Variants in CD163L1 observed in about 807,000 individuals in gnomAD.
CD163L1 encodes the protein CD163 molecule like 1.
Under a neutral mutation model 165.4 loss-of-function variants are expected in CD163L1, and 124 were observed. That is an observed-to-expected ratio of 0.75 (90% CI 0.65 to 0.87). CD163L1 has a LOEUF of 0.87. Ranked by LOEUF, CD163L1 falls within the 40% of genes least tolerant of loss-of-function variation. The probability of loss-of-function intolerance (pLI) is 0.00; values close to 1 mark genes in which losing one functional copy is unlikely to be tolerated. For synonymous variants in CD163L1, 585 were observed against 662.2 expected, an observed-to-expected ratio of 0.88 and a Z score of 1.79; for missense variants, 1,525 against 1,799.9, an observed-to-expected ratio of 0.85 and a Z score of 2.76.
intron 8 of CD163L1, among the ~76,000 whole-genome samples, chr12:7,394,706 C>T (rs1947735597): frequency 6.6e-6 from 1 of 152,042 alleles, no homozygotes; most frequent in African/African-American, 2.4e-5. Flanking sequence ...TGACAAAGGG[C>T]TAATATCCAG....
rs748281446 is a variant in CD163L1, at chr12:7,362,726, T to G, written c.4279+4510A>C. Reference sequence around the variant, plus strand: ...CATATAATATTAATATATAATAATATATAACATAATGGTAAAAGTAGATCT... The same window carrying G: ...CATATAATATTAATATATAATAATAGATAACATAATGGTAAAAGTAGATCT... On this transcript the variant is annotated intron_variant, in intron 18 of 19. Transcript: ENST00000313599. Among the ~76,000 whole-genome samples the G allele has an allele frequency of 2.7e-5, 4 of 147,442 alleles. No homozygotes were observed. The East Asian group carries it at 7.8e-4, about 29-fold the overall frequency.
Position 7,375,940 on chromosome 12 carries a change from A to G in CD163L1, c.2446T>C (p.Trp816Arg). 6.2e-7 allele frequency: 1 copy of G among 1,614,242 alleles called. No homozygotes were observed. Among genetic ancestry groups the G allele is most frequent in the South Asian group, 1.1e-5 (1 of 91,088 alleles). ...AAATCAGAATCACAGACAGAGCGCC[A>G]TGTGTCTGCATGTTTCACTTCAACA... ...GRVEVKHADT[W>R]RSVCDSDFSL... Residue 816 changes from tryptophan (W) to arginine (R), a missense_variant, in exon 10 of 20, where the codon TGG (tryptophan) becomes CGG (arginine). Transcript: ENST00000313599.
chr12:7,418,325 C>A (rs370762234), intron 4 of CD163L1, among the ~76,000 whole-genome samples: 4 of 152,000 alleles, frequency 2.6e-5, no homozygotes, highest in African/African-American at 7.2e-5. Flanking sequence ...TTTAAAAATT[C>A]TTTGAACTGA....
At chr12:7,437,355 T>A (rs1455394594) in intron 2 of CD163L1, among the ~76,000 whole-genome samples, 3 of 118,338 alleles carry the variant, frequency 2.5e-5, no homozygotes, top group Non-Finnish European at 4.9e-5. Flanking sequence ...CTTTTATATT[T>A]ATTAAGTTCT....
chr12:7,407,800 CACACACAG>C (rs1470271460), intron 4 of CD163L1, among the ~76,000 whole-genome samples: 2 of 150,526 alleles, frequency 1.3e-5, no homozygotes, highest in African/African-American at 2.5e-5. Context: ...CACACACACA[CACACACAG>C]ACACACACAC....
At chr12:7,378,102 T>C (rs1947309815) in intron 9 of CD163L1, among the ~76,000 whole-genome samples, 1 of 152,178 alleles carries the variant, frequency 6.6e-6, no homozygotes, top group African/African-American at 2.4e-5. Context: ...CAAGATTATC[T>C]TTCCAGATGA....
At position 7,398,591 on chromosome 12, in the gene CD163L1, G is replaced by A; in HGVS notation, c.1409-7C>T. On this transcript the variant is annotated splice_polypyrimidine_tract_variant and splice_region_variant and intron_variant, in intron 6 of 19. Transcript: ENST00000313599. This position sits in a 1 kb window ranked among gnomAD's most constrained non-coding sequence, Gnocchi z 4.5. ...AGGTCCAGATCTGCCTTATCTGCAA[G>A]CAAGACAAAACCACATATTTGAGAT... 1 of 1,543,092 alleles carries A rather than the reference G, an allele frequency of 6.5e-7. No homozygotes were observed. The highest frequency in any genetic ancestry group is 1.3e-5 in the South Asian group (1 of 77,998).
chr12:7,371,901 C>T (rs959781992), intron 14 of CD163L1, among the ~76,000 whole-genome samples: 4 of 151,788 alleles, frequency 2.6e-5, no homozygotes, highest in Non-Finnish European at 4.4e-5. Flanking sequence ...TATATACACA[C>T]ATATGATACT....
intron 4 of CD163L1, among the ~76,000 whole-genome samples, chr12:7,425,960 T>G (rs1434934664): frequency 6.6e-6 from 1 of 152,204 alleles, no homozygotes; most frequent in African/African-American, 2.4e-5. Flanking sequence ...CCAAAGATTA[T>G]AAATCATTCT....
At chr12:7,437,083 T>A (rs1452839326) in intron 2 of CD163L1, among the ~76,000 whole-genome samples, 1 of 149,050 alleles carries the variant, frequency 6.7e-6, no homozygotes, top group Non-Finnish European at 1.5e-5. Context: ...TAAACAATAG[T>A]GTTTTTCTCT....
chr12:7,389,457 A>G (rs937231564), intron 8 of CD163L1, among the ~76,000 whole-genome samples: 1 of 152,208 alleles, frequency 6.6e-6, no homozygotes, highest in Non-Finnish European at 1.5e-5. Context: ...GGATCTAAAA[A>G]TCAAAACAAT....
chr12:7,362,255 T>G (rs917902665), intron 18 of CD163L1, among the ~76,000 whole-genome samples: 1 of 143,050 alleles, frequency 7.0e-6, no homozygotes, highest in Admixed American at 7.1e-5. Flanking sequence ...TTATAGATTA[T>G]GTATTTAATA....
At chr12:7,412,300 T>C (rs751930382) in intron 4 of CD163L1, among the ~76,000 whole-genome samples, 101 of 152,322 alleles carry the variant, frequency 6.6e-4, no homozygotes, top group African/African-American at 2.4e-3. Context: ...TTGTTGTTTA[T>C]TAGAGTAAAA....
chr12:7,438,591 A>G (rs1565820889), intron 2 of CD163L1, among the ~76,000 whole-genome samples: 4 of 152,228 alleles, frequency 2.6e-5, no homozygotes. Flanking sequence ...TTCTAGTCAA[A>G]ATCATTCTAA....
At chr12:7,412,760 G>A (rs755927381) in intron 4 of CD163L1, among the ~76,000 whole-genome samples, 3 of 152,148 alleles carry the variant, frequency 2.0e-5, no homozygotes, top group African/African-American at 7.2e-5. Flanking sequence ...AACCATTTAT[G>A]AGTGAAAATA....
At chr12:7,365,887 C>T (rs934297043) in intron 18 of CD163L1, among the ~76,000 whole-genome samples, 1 of 151,978 alleles carries the variant, frequency 6.6e-6, no homozygotes, top group Non-Finnish European at 1.5e-5. Flanking sequence ...TATTACTATA[C>T]AATTCAGCAA....
the CD163L1 span, chr12:7,323,167 C>A: frequency 3.6e-6 from 5 of 1,406,334 alleles, no homozygotes; most frequent in Non-Finnish European, 4.9e-6. Context: ...TCTTAATTTT[C>A]ATTGCCATGA....
chr12:7,389,960 T>TTATATA (rs59235889), intron 8 of CD163L1, among the ~76,000 whole-genome samples: 13,190 of 135,700 alleles, frequency 0.097, 940 homozygotes, highest in African/African-American at 0.19. Flanking sequence ...ATATATATAT[T>TTATATA]TATATATATA....
intron 9 of CD163L1, among the ~76,000 whole-genome samples, chr12:7,376,335 A>G (rs1018860567): frequency 8.5e-5 from 13 of 152,340 alleles, no homozygotes; most frequent in African/African-American, 2.9e-4. Flanking sequence ...TAGTCATCTT[A>G]AGAAGATGGT....
Sources: allele counts gnomAD v4.1 joint callset (sites outside exome capture counted in the v4.1 genomes callset), GRCh38; gene constraint gnomAD v4.1.1; non-coding constraint Gnocchi (gnomAD v3.1); transcripts MANE v1.5; gene names NCBI Gene and HGNC (gene_info 2026-07-23, HGNC 2026-07-21).